The following ZNF407 variants were observed in gnomAD, a reference collection of about 807,000 sequenced individuals.
The protein encoded by ZNF407 is zinc finger protein 407.
ZNF407 carries 17 observed loss-of-function variants against 131.2 expected under a neutral mutation model. The observed-to-expected ratio is 0.13, with a 90% confidence interval of 0.09 to 0.19. The LOEUF is 0.19. Among genes scored for constraint, ZNF407 ranks in the 10% least tolerant of loss-of-function variants. The pLI is 1.00. For missense variants in ZNF407, 2,681 were observed against 2,830.6 expected (o/e 0.95, Z 1.20); for synonymous variants, 1,156 against 1,062.0 (o/e 1.09, Z -1.72).
intron 4 of ZNF407, among the ~76,000 whole-genome samples, chr18:74,807,910 T>A (rs2145083292): frequency 6.6e-6 from 1 of 152,154 alleles, no homozygotes; most frequent in African/African-American, 2.4e-5. Flanking sequence ...AAAGATGAGG[T>A]CTTACTATGT....
At chr18:75,038,785 A>T (rs1973339598) in intron 8 of ZNF407, among the ~76,000 whole-genome samples, 1 of 152,226 alleles carries the variant, frequency 6.6e-6, no homozygotes, top group African/African-American at 2.4e-5. Flanking sequence ...GTATCACCTA[A>T]TCTTCCAAGC....
Position 75,064,536 on chromosome 18 carries a change from T to C in ZNF407, c.*68T>C, listed in dbSNP as rs540839340. 1.5e-4 allele frequency: 191 copies of C among 1,315,232 alleles called. No homozygotes were observed. Among genetic ancestry groups the C allele is most frequent in the Admixed American group, 6.9e-4 (24 of 34,662 alleles). 81.5% of individuals were successfully genotyped at this position (1,315,232 alleles called of 1,614,324 possible). ...GTCCAGCTTCGGTGGGGGACCGTGT[T>C]CCCTGAGCTTCATCTGAAACCTTCA... On this transcript the variant is annotated 3_prime_UTR_variant, in exon 9 of 9. Coordinates refer to ENST00000299687, the MANE Select transcript of ZNF407 (RefSeq NM_017757.3).
intron 8 of ZNF407, among the ~76,000 whole-genome samples, chr18:75,035,196 A>G (rs929030938): frequency 3.3e-5 from 5 of 152,158 alleles, no homozygotes; most frequent in African/African-American, 1.2e-4. Flanking sequence ...TCCCATTCCA[A>G]TGACAGATTT....
At chr18:74,812,147 ACT>A (rs56287082) in intron 4 of ZNF407, among the ~76,000 whole-genome samples, 25,908 of 151,992 alleles carry the variant, frequency 0.17, 2,530 homozygotes, top group Non-Finnish European at 0.22. Flanking sequence ...AGCATGGCAG[ACT>A]CTCTGAGAGC....
Position 74,635,019 on chromosome 18 carries a change from A to G in ZNF407, c.4000A>G (p.Ser1334Gly), listed in dbSNP as rs768789066. Residue 1334 changes from serine to glycine, a missense_variant, in exon 2 of 9, where the codon AGT becomes GGT. Around this residue, in one of 6 missense-constraint regions of ZNF407, gnomAD observed 1,789 missense variants for 1,748.7 expected, o/e 1.02. Coordinates refer to ENST00000299687, the MANE Select transcript of ZNF407 (RefSeq NM_017757.3). This position sits in a 1 kb window ranked among gnomAD's most constrained non-coding sequence, Gnocchi z 4.7. ...GPASDSTVESSDVYETIISID... is the reference protein window; with the variant it reads ...GPASDSTVESGDVYETIISID... ...AGCTTCTGATAGCACAGTTGAAAGT[A>G]GTGATGTCTATGAAACTATAATTAG... The G allele has an allele frequency of 3.1e-6, 5 of 1,614,024 alleles. No individual in the cohort carries two copies. The South Asian group carries it at 5.5e-5, about 18-fold the overall frequency.
chr18:75,023,268 C>G (rs1461466052), intron 8 of ZNF407, among the ~76,000 whole-genome samples: 1 of 152,070 alleles, frequency 6.6e-6, no homozygotes, highest in Non-Finnish European at 1.5e-5. Flanking sequence ...GCACATCTTT[C>G]ACATGTACCC....
At chr18:74,805,409 A>G (rs918171192) in intron 4 of ZNF407, among the ~76,000 whole-genome samples, 1 of 152,166 alleles carries the variant, frequency 6.6e-6, no homozygotes, top group Non-Finnish European at 1.5e-5. Flanking sequence ...TCTGATTTAC[A>G]CTTTTCTATT....
At chr18:74,654,670 A>AAAG (rs1386014258) in intron 3 of ZNF407, among the ~76,000 whole-genome samples, 5 of 151,888 alleles carry the variant, frequency 3.3e-5, no homozygotes, top group African/African-American at 2.4e-5. Context: ...ACTACTACAT[A>AAAG]ATATATCTTT....
At chr18:74,790,061 T>C (rs951947726) in intron 4 of ZNF407, among the ~76,000 whole-genome samples, 2 of 152,150 alleles carry the variant, frequency 1.3e-5, no homozygotes, top group African/African-American at 4.8e-5. Context: ...TATGGAACAT[T>C]AGAGAATAAA....
In ZNF407 at chr18:74,632,185, A is replaced by T. The variant is rs763957377; in HGVS notation, c.1166A>T (p.Glu389Val). Residue 389 changes from glutamate to valine, a missense_variant, in exon 2 of 9, where the codon GAG becomes GTG. By Grantham distance (121) the Glu-to-Val change is moderately radical. This residue lies in a region of ZNF407 where 1,789 missense variants were observed against 1,748.7 expected (regional missense o/e 1.02). Coordinates refer to ENST00000299687, the MANE Select transcript of ZNF407 (RefSeq NM_017757.3). ...AAGCTAGACACCTTAGTAACCTCAG[A>T]GGGTCTCTTAGAGAAATTGGAATCT... is the stretch of plus-strand genomic sequence containing the variant. ...SRKLDTLVTS[E>V]GLLEKLESTK... 6.2e-7 allele frequency: 1 copy of T among 1,613,990 alleles called. No homozygotes were observed. The highest frequency in any genetic ancestry group is 8.5e-7 in the Non-Finnish European group (1 of 1,179,890).
chr18:75,009,302 C>A (rs1456307896), intron 8 of ZNF407, among the ~76,000 whole-genome samples: 1 of 152,086 alleles, frequency 6.6e-6, no homozygotes, highest in East Asian at 1.9e-4. Context: ...GTCTATTTTT[C>A]TTGTATCAAG....
intron 1 of ZNF407, among the ~76,000 whole-genome samples, chr18:74,606,220 T>C (rs1982799603): frequency 1.3e-5 from 2 of 152,230 alleles, no homozygotes; most frequent in South Asian, 2.1e-4. Context: ...AAAATAAAAT[T>C]TGGAAATCTG....
chr18:74,798,720 T>G (rs535061248), intron 4 of ZNF407, among the ~76,000 whole-genome samples: 1 of 152,264 alleles, frequency 6.6e-6, no homozygotes, highest in Admixed American at 6.5e-5. Flanking sequence ...TTATCTTTGT[T>G]GGAGGAAAAA....
intron 8 of ZNF407, among the ~76,000 whole-genome samples, chr18:75,049,876 C>A (rs1394225917): frequency 6.6e-6 from 1 of 152,164 alleles, no homozygotes; most frequent in Non-Finnish European, 1.5e-5. Context: ...GTCTGAGCAG[C>A]TTATCATCAT....
chr18:74,720,585 C>T (rs1028897263), intron 3 of ZNF407, among the ~76,000 whole-genome samples: 1 of 151,990 alleles, frequency 6.6e-6, no homozygotes, highest in Non-Finnish European at 1.5e-5. Context: ...AGACCAATGT[C>T]CTGAAGCAGT....
intron 3 of ZNF407, among the ~76,000 whole-genome samples, chr18:74,720,619 T>G (rs1003785239): frequency 3.9e-5 from 6 of 152,200 alleles, no homozygotes; most frequent in Admixed American, 6.5e-5. Context: ...CTTCTGTTAC[T>G]TTCATGATTT....
At chr18:74,928,328 G>A (rs1000619283) in intron 8 of ZNF407, among the ~76,000 whole-genome samples, 1 of 152,160 alleles carries the variant, frequency 6.6e-6, no homozygotes, top group Admixed American at 6.5e-5. Flanking sequence ...AGAAATGCTT[G>A]AGTTAAGATA....
At chr18:74,665,868 C>G (rs1000715289) in intron 3 of ZNF407, among the ~76,000 whole-genome samples, 2 of 152,156 alleles carry the variant, frequency 1.3e-5, no homozygotes, top group Non-Finnish European at 2.9e-5. Flanking sequence ...TTCTTCACAG[C>G]TAACCATCTA....
rs1300465315 is a variant in ZNF407, at chr18:74,676,511, A to G, written c.4802+35389A>G. Among the ~76,000 whole-genome samples the G allele has an allele frequency of 4.8e-5, 7 of 144,340 alleles. No individual in the cohort carries two copies. In the South Asian group the frequency reaches 8.6e-4, roughly 18 times the overall value. The allele number at this position is 144,340 out of a possible 152,430, so 94.7% of individuals were successfully genotyped here. ...GAGTGCAGTGGCGGGATCTCGGCTC[A>G]CTGCAAGCTCCGCCTCCCGGGTTCA... On this transcript the variant is annotated intron_variant, in intron 3 of 8. Transcript: ENST00000299687.
Sources: allele counts gnomAD v4.1 joint callset (sites outside exome capture counted in the v4.1 genomes callset), GRCh38; gene constraint gnomAD v4.1.1; regional missense constraint gnomAD v4.1.1; non-coding constraint Gnocchi (gnomAD v3.1); transcripts MANE v1.5; gene names NCBI Gene and HGNC (gene_info 2026-07-23, HGNC 2026-07-21).